Variants in NRF1 observed in about 807,000 individuals in gnomAD.
NRF1 encodes the protein nuclear respiratory factor 1, also known as alpha palindromic-binding protein.
A neutral mutation model predicts 58.5 loss-of-function variants in NRF1; 5 were observed. The ratio of observed to expected loss-of-function variants is 0.09; its 90% confidence interval spans 0.04 to 0.18. The LOEUF (loss-of-function observed/expected upper bound fraction) is 0.18, where lower values mean the gene tolerates loss of function less well. NRF1 is among the 10% of genes least tolerant of loss of function. The pLI is 1.00. For missense variants in NRF1, 288 were observed against 657.7 expected, an observed-to-expected ratio of 0.44 and a Z score of 6.15; for synonymous variants, 224 against 246.7, an observed-to-expected ratio of 0.91 and a Z score of 0.86.
At chr7:129,639,038 CAATG>C (rs571557506) in intron 1 of NRF1, among the ~76,000 whole-genome samples, 3 of 152,162 alleles carry the variant, frequency 2.0e-5, no homozygotes, top group African/African-American at 7.2e-5. Flanking sequence ...CAGTTTATCT[CAATG>C]AATTAACTCA....
chr7:129,636,124 T>G (rs1056756427), intron 1 of NRF1, among the ~76,000 whole-genome samples: 1 of 152,090 alleles, frequency 6.6e-6, no homozygotes, highest in African/African-American at 2.4e-5. Flanking sequence ...CATGTGATAC[T>G]TTTTTTTCCA....
At chr7:129,629,677 T>TA (rs1411442230) in intron 1 of NRF1, among the ~76,000 whole-genome samples, 1 of 152,200 alleles carries the variant, frequency 6.6e-6, no homozygotes, top group Non-Finnish European at 1.5e-5. Context: ...TTCCATTTGT[T>TA]ACGCAGAATA....
intron 4 of NRF1, among the ~76,000 whole-genome samples, 158 bp from the exon 5 acceptor site, chr7:129,690,248 T>C (rs971617856): frequency 7.9e-5 from 12 of 152,232 alleles, no homozygotes; most frequent in Non-Finnish European, 1.5e-4. Context: ...ATGATGTCTT[T>C]GGGACCAGTG....
intron 2 of NRF1, among the ~76,000 whole-genome samples, chr7:129,670,252 T>C (rs7797729): frequency 0.19 from 29,171 of 152,216 alleles, 3,061 homozygotes; most frequent in East Asian, 0.47. Flanking sequence ...CGTACAACAT[T>C]GGGCTTATAG....
At chr7:129,619,447 CAT>C (rs1394967535) in intron 1 of NRF1, among the ~76,000 whole-genome samples, 21 of 80,418 alleles carry the variant, frequency 2.6e-4, no homozygotes, top group Admixed American at 1.7e-3. Flanking sequence ...CACACACACA[CAT>C]ATATATACAC....
At chr7:129,620,533 C>CAT (rs1157426165) in intron 1 of NRF1, among the ~76,000 whole-genome samples, 2 of 151,906 alleles carry the variant, frequency 1.3e-5, no homozygotes, top group Non-Finnish European at 2.9e-5. Flanking sequence ...GGATTACAGG[C>CAT]GCCTGCCACC....
chr7:129,697,697 CTCTT>C (rs1387465697), intron 5 of NRF1, among the ~76,000 whole-genome samples: 6 of 152,062 alleles, frequency 3.9e-5, no homozygotes, highest in African/African-American at 1.2e-4. Flanking sequence ...TTCAGATTGA[CTCTT>C]TCAGCTAGTC....
intron 1 of NRF1, among the ~76,000 whole-genome samples, chr7:129,624,902 C>T (rs1443978495): frequency 6.6e-6 from 1 of 152,140 alleles, no homozygotes; most frequent in Non-Finnish European, 1.5e-5. Flanking sequence ...TCCCTAGATC[C>T]TTCAACCTTG....
chr7:129,653,083 T>G (rs1801573729), intron 1 of NRF1, among the ~76,000 whole-genome samples: 1 of 152,216 alleles, frequency 6.6e-6, no homozygotes, highest in Admixed American at 6.5e-5. Context: ...ACTGAAACTC[T>G]GTACTCCCAG....
At chr7:129,690,986 A>G (rs1802553306) in intron 5 of NRF1, among the ~76,000 whole-genome samples, 1 of 152,202 alleles carries the variant, frequency 6.6e-6, no homozygotes, top group South Asian at 2.1e-4. Flanking sequence ...TCCTTCCGCA[A>G]GAATGTAAAA....
chr7:129,668,039 C>T (rs1801961401), intron 2 of NRF1, among the ~76,000 whole-genome samples: 1 of 152,134 alleles, frequency 6.6e-6, no homozygotes. Context: ...TGCTGGATTA[C>T]AAGCTTTCTT....
In NRF1 at chr7:129,756,678, A is replaced by G. The variant is rs1412694890; in HGVS notation, c.*1497A>G. ...CCCCATGTGTGTGATGGTGTATTTA[A>G]TGTGTTTTTTTAATGCGACATTAAA... On this transcript the variant is annotated 3_prime_UTR_variant, in exon 11 of 11. Transcript: ENST00000393232. The G allele has an allele frequency of 2.0e-5, 3 of 152,468 alleles. No homozygotes were observed. Among genetic ancestry groups the G allele is most frequent in the Non-Finnish European group, 4.4e-5 (3 of 68,032 alleles). 9.4% of individuals were successfully genotyped at this position (152,468 alleles called of 1,614,324 possible).
intron 4 of NRF1, among the ~76,000 whole-genome samples, chr7:129,688,251 C>T (rs570877945): frequency 1.4e-4 from 21 of 152,232 alleles, no homozygotes; most frequent in Admixed American, 6.5e-4. Context: ...CTCAGCCTCC[C>T]GAGTAGCTGG....
At chr7:129,719,218 C>T (rs1344430180) in intron 9 of NRF1, among the ~76,000 whole-genome samples, 5 of 151,894 alleles carry the variant, frequency 3.3e-5, no homozygotes, top group Admixed American at 6.6e-5. Context: ...CCACAACCTC[C>T]GCCTGCCGGG....
At chr7:129,718,629 A>G (rs1803244950) in intron 9 of NRF1, among the ~76,000 whole-genome samples, 1 of 152,228 alleles carries the variant, frequency 6.6e-6, no homozygotes, top group South Asian at 2.1e-4. Flanking sequence ...ATTGTATGGT[A>G]AAGACTGTGA....
chr7:129,663,206 C>T (rs1801826117), intron 2 of NRF1, among the ~76,000 whole-genome samples: 1 of 152,132 alleles, frequency 6.6e-6, no homozygotes, highest in Non-Finnish European at 1.5e-5. Flanking sequence ...CCCCACATTT[C>T]CCCCTTTTCT....
chr7:129,734,653 T>A (rs894304801), intron 10 of NRF1, among the ~76,000 whole-genome samples: 1 of 152,206 alleles, frequency 6.6e-6, no homozygotes, highest in African/African-American at 2.4e-5. Flanking sequence ...GACAGGTCTG[T>A]ATGCTTCTCC....
chr7:129,678,991 A>G (rs1802244957), intron 4 of NRF1, among the ~76,000 whole-genome samples: 1 of 152,194 alleles, frequency 6.6e-6, no homozygotes, highest in African/African-American at 2.4e-5. Context: ...CAGGTTAGGG[A>G]CTTGCAAGTA....
intron 5 of NRF1, among the ~76,000 whole-genome samples, chr7:129,690,980 T>A (rs1323905998): frequency 6.6e-6 from 1 of 152,182 alleles, no homozygotes; most frequent in Admixed American, 6.5e-5. Context: ...ACAGCTTCCT[T>A]CCGCAAGAAT....
Sources: allele counts gnomAD v4.1 joint callset (sites outside exome capture counted in the v4.1 genomes callset), GRCh38; gene constraint gnomAD v4.1.1; transcripts MANE v1.5; gene names NCBI Gene and HGNC (gene_info 2026-07-23, HGNC 2026-07-21).